Variants in PM20D2 observed in about 807,000 individuals in gnomAD.
PM20D2 encodes the protein peptidase M20 domain containing 2, also known as xaa-Arg dipeptidase.
In PM20D2, 33 loss-of-function variants were observed where a neutral mutation model predicts 42.9. The observed-to-expected ratio is 0.77, with a 90% confidence interval of 0.58 to 1.03. PM20D2 has a LOEUF of 1.03. Ranked by LOEUF, PM20D2 falls within the 50% of genes least tolerant of loss-of-function variation. The pLI is 0.00. For synonymous variants in PM20D2, 250 were observed against 228.2 expected, an observed-to-expected ratio of 1.10 and a Z score of -0.86; for missense variants, 548 against 557.0, an observed-to-expected ratio of 0.98 and a Z score of 0.16.
At chr6:89,133,609 T>C in the PM20D2 span, among the ~76,000 whole-genome samples, 5 of 151,130 alleles carry the variant, frequency 3.3e-5, no homozygotes, top group African/African-American at 1.2e-4. Flanking sequence ...CACATTCTGG[T>C]CAAAGACATG....
the PM20D2 span, among the ~76,000 whole-genome samples, chr6:89,132,799 C>T: frequency 6.6e-6 from 1 of 150,908 alleles, no homozygotes; most frequent in Non-Finnish European, 1.5e-5. Flanking sequence ...GATTGCGTCA[C>T]TGCACTCCAG....
chr6:89,146,513 C>T lies in PM20D2; in HGVS notation c.369C>T (p.Ala123=). The T allele has an allele frequency of 6.6e-7, 1 of 1,521,486 alleles. No individual in the cohort carries two copies. Among genetic ancestry groups the T allele is most frequent in the South Asian group, 1.2e-5 (1 of 82,452 alleles). The allele number at this position is 1,521,486 out of a possible 1,614,324, so 94.2% of individuals were successfully genotyped here. ...ACGCGCTGCCCGGCATCGGCCACGC[C>T]TGCGGCCACAACCTCATCGCTGAGG... The part of the protein sequence containing the change: ...EYDALPGIGH[A]CGHNLIAEVG... The change falls in exon 1 of 7, where the codon GCC becomes GCT. Residue 123 remains alanine, a synonymous_variant. Transcript: ENST00000275072.
chr6:89,141,347 C>G (rs577489291), upstream of PM20D2, among the ~76,000 whole-genome samples: 18 of 152,050 alleles, frequency 1.2e-4, no homozygotes, highest in East Asian at 5.8e-4. Context: ...TTTGCAAGAG[C>G]CTTTTATTTA....
chr6:89,096,415 T>G, the PM20D2 span: 1 of 152,020 alleles, frequency 6.6e-6, no homozygotes, highest in Admixed American at 6.6e-5. Flanking sequence ...AATACAAGAG[T>G]GAATAACTTA....
chr6:89,112,928 T>C, the PM20D2 span, among the ~76,000 whole-genome samples: 2 of 152,180 alleles, frequency 1.3e-5, no homozygotes, highest in African/African-American at 4.8e-5. Flanking sequence ...GGTAAATGTC[T>C]TAAAATTGCC....
At chr6:89,123,519 G>C in the PM20D2 span, among the ~76,000 whole-genome samples, 1 of 149,756 alleles carries the variant, frequency 6.7e-6, no homozygotes, top group Non-Finnish European at 1.5e-5. Context: ...GCAGGAGTTT[G>C]AGACTAGTCT....
the PM20D2 span, chr6:89,098,383 A>G: frequency 8.7e-6 from 5 of 574,886 alleles, no homozygotes; most frequent in Non-Finnish European, 1.4e-5. Context: ...TAGACAAATC[A>G]TAATTTGTAG....
rs1008310845 is a variant in PM20D2 at position 89,162,733 on chromosome 6, T to C, written c.*470T>C. On this transcript the variant is annotated 3_prime_UTR_variant, in exon 7 of 7. Coordinates refer to ENST00000275072, the MANE Select transcript of PM20D2 (RefSeq NM_001010853.3). ...AACTTGTTCTCTAATCGTATATTAA[T>C]TCCTCTACCAGATTGTATATTTGAA... The C allele has an allele frequency of 1.3e-5, 2 of 152,708 alleles. No individual in the cohort carries two copies. The highest frequency in any genetic ancestry group is 4.8e-5 in the African/African-American group (2 of 41,454). The allele number at this position is 152,708 out of a possible 1,614,324, so 9.5% of individuals were successfully genotyped here. A position where few individuals can be genotyped will look rare whatever the true frequency, so the allele number is the denominator to read the frequency against.
In PM20D2 at chr6:89,162,362, A is replaced by G; in HGVS notation, c.*99A>G. The G allele has an allele frequency of 1.6e-6, 2 of 1,228,358 alleles. No homozygotes were observed. Among genetic ancestry groups the G allele is most frequent in the Non-Finnish European group, 1.1e-6 (1 of 893,974 alleles). 76.1% of individuals were successfully genotyped at this position (1,228,358 alleles called of 1,614,324 possible). A position where few individuals can be genotyped will look rare whatever the true frequency, so the allele number is the denominator to read the frequency against. ...GCTTGTTTTTTAATCTTAAAGGAGT[A>G]AAATTCTTTTTACCTGATAAGTGAG... On this transcript the variant is annotated 3_prime_UTR_variant, in exon 7 of 7. Coordinates refer to ENST00000275072, the MANE Select transcript of PM20D2 (RefSeq NM_001010853.3).
At chr6:89,120,951 G>T in the PM20D2 span, among the ~76,000 whole-genome samples, 9 of 151,802 alleles carry the variant, frequency 5.9e-5, no homozygotes, top group Non-Finnish European at 1.0e-4. Context: ...ACCTATTCAG[G>T]TATAGGTATT....
chr6:89,135,314 C>G, the PM20D2 span, among the ~76,000 whole-genome samples: 18 of 151,254 alleles, frequency 1.2e-4, 2 homozygotes, highest in African/African-American at 2.5e-4. Flanking sequence ...TATTATTGAT[C>G]ATTTAGAAAA....
At chr6:89,129,188 G>A in the PM20D2 span, among the ~76,000 whole-genome samples, 1 of 152,126 alleles carries the variant, frequency 6.6e-6, no homozygotes, top group Non-Finnish European at 1.5e-5. Context: ...AGAGAAAAAA[G>A]GGAGGTACAG....
the PM20D2 span, chr6:89,105,385 A>C: frequency 6.4e-7 from 1 of 1,567,992 alleles, no homozygotes; most frequent in Non-Finnish European, 8.6e-7. Flanking sequence ...ACTGAAACTC[A>C]TTCTGCTGAA....
At chr6:89,130,509 T>TA in the PM20D2 span, among the ~76,000 whole-genome samples, 1 of 152,232 alleles carries the variant, frequency 6.6e-6, no homozygotes, top group South Asian at 2.1e-4. Context: ...AATCTAGATA[T>TA]AAAACACCTT....
rs765820610 is a variant in PM20D2 at position 89,154,817 on chromosome 6, G to A, written c.827G>A (p.Arg276His). The change falls in exon 4 of 7, where the codon CGT (arginine) becomes CAT (histidine). Residue 276 changes from arginine to histidine, a missense_variant. By Grantham distance (29) the Arg-to-His change is conservative. Transcript: ENST00000275072. ...TATTCTGAATTAATCTATTACTTCCGTGCACCCTCAATGAAAGAACTTCAA... is the reference window on the plus strand; with the variant it reads ...TATTCTGAATTAATCTATTACTTCCATGCACCCTCAATGAAAGAACTTCAA... ...PSYSELIYYF[R>H]APSMKELQVL... is the part of the protein sequence containing the mutation. 4.2e-5 allele frequency: 67 copies of A among 1,607,950 alleles called. No homozygotes were observed. Among genetic ancestry groups the A allele is most frequent in the East Asian group, 3.4e-4 (15 of 44,530 alleles).
intron 3 of PM20D2, among the ~76,000 whole-genome samples, chr6:89,153,623 A>C (rs1770932442): frequency 6.6e-6 from 1 of 152,156 alleles, no homozygotes; most frequent in Non-Finnish European, 1.5e-5. Context: ...TTTTTGAGAC[A>C]GTCTTGCTCT....
chr6:89,146,584 TC>T lies in PM20D2; in HGVS notation c.444del (p.Arg149GlyfsTer6), dbSNP rs1311739035. On this transcript the variant is annotated frameshift_variant, in exon 1 of 7. Transcript: ENST00000275072. LOFTEE classifies it high-confidence loss of function. The stretch of plus-strand genomic sequence containing the variant: ...GGCGTGAGGGGGGCCTTAGAGGGCC[TC>T]CCCAGGCCGCCTCCGCCCGTGAAGG... Reference protein sequence around the residue: ...ALGVRGALEGLPRPPPPVKVV... With the variant: ...ALGVRGALEGXPRPPPPVKVV... 1 of 1,463,800 alleles carries T rather than the reference TC, an allele frequency of 6.8e-7. No individual in the cohort carries two copies. Among genetic ancestry groups the T allele is most frequent in the Non-Finnish European group, 9.0e-7 (1 of 1,114,182 alleles). 90.7% of individuals were successfully genotyped at this position (1,463,800 alleles called of 1,614,324 possible). A position where few individuals can be genotyped will look rare whatever the true frequency, so the allele number is the denominator to read the frequency against.
the PM20D2 span, among the ~76,000 whole-genome samples, chr6:89,135,973 C>G: frequency 6.6e-6 from 1 of 151,234 alleles, no homozygotes; most frequent in Non-Finnish European, 1.5e-5. Flanking sequence ...AATATGATCT[C>G]TGGCCCTGAA....
the PM20D2 span, among the ~76,000 whole-genome samples, chr6:89,102,827 C>A: frequency 6.6e-6 from 1 of 152,176 alleles, no homozygotes; most frequent in African/African-American, 2.4e-5. Flanking sequence ...TCATGGCTCA[C>A]TGCAGCCTTG....
Sources: gnomAD v4.1 joint callset for allele counts (sites outside exome capture counted in the v4.1 genomes callset) on GRCh38, gnomAD v4.1.1 for gene constraint, MANE v1.5 for transcripts, NCBI Gene and HGNC (gene_info 2026-07-23, HGNC 2026-07-21) for gene names.